Variants in RRM2 observed in about 807,000 individuals in gnomAD.
RRM2 encodes the protein ribonucleotide reductase regulatory subunit M2, also known as ribonucleoside-diphosphate reductase subunit M2.
RRM2 carries 6 observed loss-of-function variants against 45.9 expected under a neutral mutation model. The ratio of observed to expected loss-of-function variants is 0.13; its 90% confidence interval spans 0.07 to 0.26. The LOEUF is 0.26. Among genes scored for constraint, RRM2 ranks in the 10% least tolerant of loss-of-function variants. RRM2 has a pLI of 1.00. For missense variants in RRM2, 343 were observed against 489.5 expected (o/e 0.70, Z 2.82); for synonymous variants, 177 against 173.0 (o/e 1.02, Z -0.18).
At chr2:10,125,510 C>A (rs1662759670) in intron 5 of RRM2, among the ~76,000 whole-genome samples, 1 of 152,072 alleles carries the variant, frequency 6.6e-6, no homozygotes, top group African/African-American at 2.4e-5. Context: ...TCGAGACCAT[C>A]CTGGCTAACA....
chr2:10,192,297 G>A lies in RRM2; in HGVS notation n.483-18014G>A, dbSNP rs561132423. Among the ~76,000 whole-genome samples the A allele has an allele frequency of 3.9e-5, 6 of 152,312 alleles. No individual in the cohort carries two copies. The East Asian group carries it at 1.2e-3, about 29-fold the overall frequency. On this transcript the variant is annotated intron_variant and non_coding_transcript_variant, in intron 3 of 3. Coordinates refer to the RRM2 transcript ENST00000381786. Reference sequence around the variant, plus strand: ...ACTGAGCAAAGCCTTCCCCAGGGGCGTTTTCCCTGAAGGACTTCTCAGAGC... The same window carrying A: ...ACTGAGCAAAGCCTTCCCCAGGGGCATTTTCCCTGAAGGACTTCTCAGAGC...
downstream of RRM2, among the ~76,000 whole-genome samples, chr2:10,133,379 T>G (rs570415701): frequency 3.0e-4 from 45 of 152,370 alleles, 2 homozygotes; most frequent in Admixed American, 2.8e-3. Context: ...TGCTGTGGCC[T>G]CTGACCTGAG....
chr2:10,194,439 C>A (rs572292193), intron 3 of RRM2, among the ~76,000 whole-genome samples: 1 of 152,226 alleles, frequency 6.6e-6, no homozygotes, highest in Non-Finnish European at 1.5e-5. Flanking sequence ...CCAGCTTGTG[C>A]GGGCCCAAAT....
At chr2:10,137,100 CAGTT>C (rs1663000935), upstream of RRM2, among the ~76,000 whole-genome samples, 1 of 152,248 alleles carries the variant, frequency 6.6e-6, no homozygotes, top group African/African-American at 2.4e-5. Context: ...CACGTGCAGT[CAGTT>C]CCACCCCAAC....
chr2:10,193,881 GAC>G (rs1456992737), intron 3 of RRM2, among the ~76,000 whole-genome samples: 3 of 152,348 alleles, frequency 2.0e-5, no homozygotes, highest in Admixed American at 2.0e-4. Flanking sequence ...CAGCAAGAAA[GAC>G]AGTTTGGATT....
chr2:10,166,026 C>T (rs1663671086), intron 3 of RRM2, among the ~76,000 whole-genome samples: 1 of 152,210 alleles, frequency 6.6e-6, no homozygotes, highest in Non-Finnish European at 1.5e-5. Flanking sequence ...GGGAGCACAG[C>T]AGCTGCTGGT....
chr2:10,147,929 G>A (rs902524756), intron 3 of RRM2, among the ~76,000 whole-genome samples: 4 of 151,888 alleles, frequency 2.6e-5, no homozygotes, highest in Admixed American at 6.6e-5. Flanking sequence ...TGGATCACTC[G>A]AGGTCAGGAG....
At chr2:10,155,475 C>T (rs1346908891) in intron 3 of RRM2, among the ~76,000 whole-genome samples, 1 of 151,898 alleles carries the variant, frequency 6.6e-6, no homozygotes, top group Non-Finnish European at 1.5e-5. Flanking sequence ...TTAGACTGAG[C>T]TTGGTGTGTC....
chr2:10,181,131 A>G (rs545214856), intron 3 of RRM2, among the ~76,000 whole-genome samples: 2 of 152,056 alleles, frequency 1.3e-5, no homozygotes, highest in African/African-American at 4.8e-5. Context: ...TGATTTATAT[A>G]GTTTGTATTC....
At chr2:10,154,418 G>T (rs555793403) in intron 3 of RRM2, among the ~76,000 whole-genome samples, 2 of 113,810 alleles carry the variant, frequency 1.8e-5, no homozygotes, top group East Asian at 3.1e-4. Flanking sequence ...TGGTTGGGTG[G>T]GGGGTGGGCG....
chr2:10,183,115 G>A (rs145964681), intron 3 of RRM2, among the ~76,000 whole-genome samples: 36 of 152,310 alleles, frequency 2.4e-4, no homozygotes, highest in East Asian at 1.7e-3. Flanking sequence ...AGACTGCAGC[G>A]AACTATGATG....
chr2:10,158,212 A>G lies in RRM2; in HGVS notation n.482+15837A>G, dbSNP rs765604608. Among the ~76,000 whole-genome samples the G allele has an allele frequency of 2.6e-5, 4 of 152,268 alleles. No individual in the cohort carries two copies. In the South Asian group the frequency reaches 8.3e-4, roughly 32 times the overall value. On this transcript the variant is annotated intron_variant and non_coding_transcript_variant, in intron 3 of 3. Transcript: ENST00000381786. Reference sequence around the variant, plus strand: ...ACTCTTCTGAGCTCTCCATTTTCCCATGTACGAAATGGGTGTCAGTAGAGC... The same window carrying G: ...ACTCTTCTGAGCTCTCCATTTTCCCGTGTACGAAATGGGTGTCAGTAGAGC...
intron 3 of RRM2, among the ~76,000 whole-genome samples, chr2:10,147,093 C>T (rs148681090): frequency 1.3e-3 from 194 of 152,190 alleles, no homozygotes; most frequent in South Asian, 2.5e-3. Context: ...ACTGGGATTA[C>T]AGGCGCGCAC....
At chr2:10,170,643 G>A (rs1054334143) in intron 3 of RRM2, among the ~76,000 whole-genome samples, 10 of 152,002 alleles carry the variant, frequency 6.6e-5, no homozygotes, top group African/African-American at 2.4e-4. Context: ...GCCCCAGCTG[G>A]GTCATGGGTC....
In RRM2 at chr2:10,205,762, G is replaced by A. The variant is rs184719107; in HGVS notation, n.483-4549G>A. On this transcript the variant is annotated intron_variant and non_coding_transcript_variant, in intron 3 of 3. Transcript: ENST00000381786. This position sits in a 1 kb window ranked among gnomAD's most constrained non-coding sequence, Gnocchi z 4.8. ...GCTGGAGTGCAATGGTGCAATCTCC[G>A]CTCACTGCAACCTCTGCCTCCTGGT... is the stretch of plus-strand genomic sequence containing the variant. 7.3e-3 allele frequency among the ~76,000 whole-genome samples: 1,116 copies of A among 152,098 alleles called. 13 individuals are homozygous for A. The highest frequency in any genetic ancestry group is 0.025 in the African/African-American group (1,038 of 41,478).
chr2:10,150,139 C>T (rs867530792), intron 3 of RRM2, among the ~76,000 whole-genome samples: 4 of 152,118 alleles, frequency 2.6e-5, no homozygotes, highest in Admixed American at 6.6e-5. Context: ...GAAGGTGAAA[C>T]CCCATCTCTA....
At chr2:10,137,775 C>T (rs534822135), upstream of RRM2, among the ~76,000 whole-genome samples, 24 of 152,272 alleles carry the variant, frequency 1.6e-4, no homozygotes, top group African/African-American at 5.5e-4. Context: ...CTTCCCTGAG[C>T]CTCTGAGTCT....
At chr2:10,136,493 G>A (rs1662991778), upstream of RRM2, among the ~76,000 whole-genome samples, 1 of 152,212 alleles carries the variant, frequency 6.6e-6, no homozygotes, top group South Asian at 2.1e-4. Context: ...TTTATCAGAG[G>A]TGCGGGTGGC....
intron 3 of RRM2, among the ~76,000 whole-genome samples, chr2:10,201,699 C>T (rs1413160922): frequency 6.6e-6 from 1 of 152,180 alleles, no homozygotes; most frequent in East Asian, 1.9e-4. Context: ...AATCTGTTAC[C>T]TACGTGGCAC....
Sources: allele counts gnomAD v4.1 joint callset (sites outside exome capture counted in the v4.1 genomes callset), GRCh38; gene constraint gnomAD v4.1.1; non-coding constraint Gnocchi (gnomAD v3.1); transcripts MANE v1.5; gene names NCBI Gene and HGNC (gene_info 2026-07-23, HGNC 2026-07-21).